The following CNTLN variants were observed in gnomAD, a reference collection of about 807,000 sequenced individuals.
CNTLN encodes the protein centlein, centrosomal protein.
CNTLN carries 212 observed loss-of-function variants against 180.0 expected under a neutral mutation model. The observed-to-expected ratio is 1.18, with a 90% CI of 1.05 to 1.32. The LOEUF (loss-of-function observed/expected upper bound fraction) is 1.32. CNTLN is among the 40% of genes most tolerant of loss of function. The probability of loss-of-function intolerance (pLI) is 0.00; values close to 1 mark genes in which losing one functional copy is unlikely to be tolerated. For missense variants in CNTLN, 2,095 were observed against 1,610.9 expected (o/e 1.30, Z -5.14); for synonymous variants, 722 against 563.1 (o/e 1.28, Z -3.99).
At chr9:17,511,483 C>G in the CNTLN span, among the ~76,000 whole-genome samples, 6 of 152,162 alleles carry the variant, frequency 3.9e-5, no homozygotes, top group African/African-American at 1.4e-4. Context: ...GATTCACTTC[C>G]TAGCTCTTCC....
intron 2 of CNTLN, among the ~76,000 whole-genome samples, chr9:17,151,605 A>G (rs774454335): frequency 3.9e-5 from 6 of 152,196 alleles, no homozygotes; most frequent in Admixed American, 3.3e-4. Flanking sequence ...CATCAGGGAT[A>G]TTGGCCTGAA....
Position 17,394,801 on chromosome 9 carries a change from G to A in CNTLN, c.2347G>A (p.Ala783Thr). ...GAGGAGACAAGTGGCAGAAGCTAAT[G>A]CATTGAGAAATGAAAATGAAGAGCT... Reference protein sequence around the residue: ...SLRRQVAEANALRNENEELIN... With the variant: ...SLRRQVAEANTLRNENEELIN... Residue 783 changes from alanine to threonine, a missense_variant, in exon 15 of 26, where the codon GCA (alanine) becomes ACA (threonine). Physicochemically the swap from Ala to Thr is moderately conservative, Grantham distance 58. Coordinates refer to ENST00000380647, the MANE Select transcript of CNTLN (RefSeq NM_017738.4). The A allele has an allele frequency of 6.2e-7, 1 of 1,613,964 alleles. No individual in the cohort carries two copies. Among genetic ancestry groups the A allele is most frequent in the Non-Finnish European group, 8.5e-7 (1 of 1,179,956 alleles).
At chr9:17,363,834 T>C (rs1467316716) in intron 12 of CNTLN, among the ~76,000 whole-genome samples, 1 of 152,286 alleles carries the variant, frequency 6.6e-6, no homozygotes, top group East Asian at 1.9e-4. Flanking sequence ...TTTTGTTTTA[T>C]ACCTTGCTTT....
chr9:17,253,941 G>C (rs1826311463), intron 5 of CNTLN, among the ~76,000 whole-genome samples: 1 of 151,382 alleles, frequency 6.6e-6, no homozygotes, highest in Non-Finnish European at 1.5e-5. Flanking sequence ...ATTATTTGGA[G>C]GCATGTTCTT....
At chr9:17,282,067 ATTC>A (rs1478047041) in intron 6 of CNTLN, among the ~76,000 whole-genome samples, 1 of 152,140 alleles carries the variant, frequency 6.6e-6, no homozygotes, top group Non-Finnish European at 1.5e-5. Context: ...AGTTCAAGCA[ATTC>A]TTCTGCCTCA....
intron 2 of CNTLN, among the ~76,000 whole-genome samples, chr9:17,179,261 A>AAAAAAAAAAAAAAAAAG (rs762439606): frequency 7.2e-6 from 1 of 138,642 alleles, no homozygotes; most frequent in African/African-American, 3.0e-5. Flanking sequence ...AAAAAAAAAA[A>AAAAAAAAAAAAAAAAAG]AAGAAGAAGT....
At chr9:17,263,987 G>A (rs1207771170) in intron 5 of CNTLN, among the ~76,000 whole-genome samples, 1 of 145,256 alleles carries the variant, frequency 6.9e-6, no homozygotes, top group Admixed American at 6.8e-5. Context: ...CTCCCATTTT[G>A]TAGGTTGCCT....
At chr9:17,326,132 A>T (rs1477700368) in intron 8 of CNTLN, among the ~76,000 whole-genome samples, 1 of 152,136 alleles carries the variant, frequency 6.6e-6, no homozygotes, top group Non-Finnish European at 1.5e-5. Context: ...TGTGAAAAAT[A>T]AAGTTATGTG....
chr9:17,495,844 C>A (rs1833426079), intron 25 of CNTLN, among the ~76,000 whole-genome samples: 1 of 152,148 alleles, frequency 6.6e-6, no homozygotes, highest in African/African-American at 2.4e-5. Flanking sequence ...CATATTTTTA[C>A]TACGCCTTTC....
At chr9:17,487,690 G>A (rs1262431250) in intron 25 of CNTLN, among the ~76,000 whole-genome samples, 1 of 152,158 alleles carries the variant, frequency 6.6e-6, no homozygotes, top group Admixed American at 6.5e-5. Context: ...CATAGAGGAT[G>A]ACAAGGCCAA....
intron 10 of CNTLN, among the ~76,000 whole-genome samples, chr9:17,334,428 C>T (rs944469638): frequency 6.7e-6 from 1 of 148,594 alleles, no homozygotes; most frequent in African/African-American, 2.4e-5. Flanking sequence ...AATACACACA[C>T]ACACACACAC....
At chr9:17,388,886 A>C (rs1229087321) in intron 14 of CNTLN, among the ~76,000 whole-genome samples, 1 of 151,880 alleles carries the variant, frequency 6.6e-6, no homozygotes, top group East Asian at 1.9e-4. Flanking sequence ...TTGCATTTTT[A>C]TAAATAAATA....
At chr9:17,282,681 T>G (rs1587479293) in intron 6 of CNTLN, among the ~76,000 whole-genome samples, 1 of 152,152 alleles carries the variant, frequency 6.6e-6, no homozygotes, top group Non-Finnish European at 1.5e-5. Flanking sequence ...CCTGAATGGT[T>G]TCAGTAGATT....
the CNTLN span, among the ~76,000 whole-genome samples, chr9:17,511,950 A>G: frequency 1.3e-5 from 2 of 152,292 alleles, no homozygotes; most frequent in South Asian, 4.1e-4. Context: ...ACTTCTTGGT[A>G]CCACCATAGG....
intron 24 of CNTLN, 55 bp downstream of exon 24, chr9:17,484,535 T>C: frequency 7.4e-7 from 1 of 1,359,502 alleles, no homozygotes; most frequent in Non-Finnish European, 1.0e-6. Flanking sequence ...TGGACTTAAG[T>C]AGATATTTTT....
In CNTLN at chr9:17,298,347, C is replaced by G. The variant is rs190561659; in HGVS notation, c.1141C>G (p.Gln381Glu). 2 of 1,607,374 alleles carry G rather than the reference C, an allele frequency of 1.2e-6. No homozygotes were observed. The highest frequency in any genetic ancestry group is 3.4e-5 in the Admixed American group (2 of 58,512). Residue 381 changes from glutamine (Q) to glutamate (E), a missense_variant, in exon 7 of 26, where the codon CAA becomes GAA. Physicochemically the swap from Gln to Glu is conservative, Grantham distance 29. Coordinates refer to ENST00000380647, the MANE Select transcript of CNTLN (RefSeq NM_017738.4). ...TCACACAGCTGAAAGTATATCATAT[C>G]AAAAAGTATGCTTTTATTCTGTAAT... ...DVHTAESISY[Q>E]KLYNELHICF...
chr9:17,137,920 C>T (rs966006987), intron 1 of CNTLN, among the ~76,000 whole-genome samples: 1 of 152,108 alleles, frequency 6.6e-6, no homozygotes, highest in East Asian at 1.9e-4. Flanking sequence ...AAAAATATGG[C>T]CCCCTGATTA....
chr9:17,276,189 T>G (rs1236437156), intron 6 of CNTLN, among the ~76,000 whole-genome samples: 1 of 151,636 alleles, frequency 6.6e-6, no homozygotes, highest in East Asian at 1.9e-4. Flanking sequence ...TAGCACAGAG[T>G]TGGTAGTTTG....
At chr9:17,224,908 G>T (rs1232126952) in intron 2 of CNTLN, among the ~76,000 whole-genome samples, 2 of 151,682 alleles carry the variant, frequency 1.3e-5, no homozygotes, top group African/African-American at 2.4e-5. Flanking sequence ...TTTGTTTGGG[G>T]TCATATCTCA....
Sources: allele counts gnomAD v4.1 joint callset (sites outside exome capture counted in the v4.1 genomes callset), GRCh38; gene constraint gnomAD v4.1.1; transcripts MANE v1.5; gene names NCBI Gene and HGNC (gene_info 2026-07-23, HGNC 2026-07-21).